PACRG: variants seen among roughly 807,000 people sequenced by gnomAD.
The protein encoded by PACRG is parkin coregulated gene protein.
In PACRG, 29 loss-of-function variants were observed where a neutral mutation model predicts 29.7. The observed-to-expected ratio is 0.98, with a 90% CI of 0.73 to 1.33. The LOEUF (loss-of-function observed/expected upper bound fraction) is 1.33, where lower values mean the gene tolerates loss of function less well. PACRG is among the 40% of genes most tolerant of loss of function. The pLI is 0.00. For missense variants in PACRG, 279 were observed against 316.2 expected, an observed-to-expected ratio of 0.88 and a Z score of 0.89; for synonymous variants, 116 against 118.7, an observed-to-expected ratio of 0.98 and a Z score of 0.15.
intron 4 of PACRG, among the ~76,000 whole-genome samples, chr6:163,170,220 G>T (rs983244520): frequency 5.9e-5 from 9 of 152,112 alleles, no homozygotes; most frequent in Non-Finnish European, 1.3e-4. Flanking sequence ...GGAGGAAGAG[G>T]AGGCTGTGGC....
intron 2 of PACRG, chr6:162,997,618 G>C (rs1804194546): frequency 3.7e-6 from 1 of 273,054 alleles, no homozygotes; most frequent in African/African-American, 2.3e-5. Context: ...GCAACGCAGT[G>C]GTAAAGAAGA....
chr6:163,265,820 A>G (rs1783510975), intron 4 of PACRG, among the ~76,000 whole-genome samples: 1 of 152,180 alleles, frequency 6.6e-6, no homozygotes, highest in East Asian at 1.9e-4. Context: ...TTAGTGATTA[A>G]AGAAAATAAA....
chr6:162,947,281 TAATCATAC>T, intron 2 of PACRG, among the ~76,000 whole-genome samples: 1 of 82,888 alleles, frequency 1.2e-5, no homozygotes, highest in African/African-American at 4.6e-5. Context: ...TAACCATATA[TAATCATAC>T]ATATAATCAT....
intron 4 of PACRG, among the ~76,000 whole-genome samples, chr6:163,097,561 GT>G (rs1442774434): frequency 6.6e-6 from 1 of 152,198 alleles, no homozygotes; most frequent in African/African-American, 2.4e-5. Flanking sequence ...CTGAGAACAT[GT>G]GCCTAAGGTG....
intron 4 of PACRG, among the ~76,000 whole-genome samples, chr6:163,211,599 G>A (rs957288614): frequency 1.3e-4 from 19 of 151,972 alleles, no homozygotes; most frequent in East Asian, 5.8e-4. Context: ...TGTAATTCTC[G>A]GTATTTAAAT....
chr6:163,024,497 G>C (rs1364779881), intron 2 of PACRG, among the ~76,000 whole-genome samples: 1 of 152,168 alleles, frequency 6.6e-6, no homozygotes, highest in Admixed American at 6.5e-5. Flanking sequence ...ATGGTTTAAA[G>C]CTGGGCAATA....
At chr6:163,062,053 C>T (rs907542937) in intron 2 of PACRG, 97 bp from the exon 3 acceptor site, 7 of 1,215,240 alleles carry the variant, frequency 5.8e-6, no homozygotes, top group African/African-American at 4.6e-5. Context: ...TTCTAAAGAG[C>T]GTGCCCCTCT....
At position 162,853,424 on chromosome 6, in the gene PACRG, C is replaced by T. The variant is rs1014208797; in HGVS notation, c.291+39143C>T. 6.6e-6 allele frequency among the ~76,000 whole-genome samples: 1 copy of T among 152,198 alleles called. No homozygotes were observed. The highest frequency in any genetic ancestry group is 2.4e-5 in the African/African-American group (1 of 41,446). On this transcript the variant is annotated intron_variant, in intron 2 of 4. Transcript: ENST00000366888. The surrounding 1 kb of genome is among the most constrained non-coding windows in gnomAD (Gnocchi z 4.7). ...ATATCCTACCATTATGTGTTACTAT[C>T]AGCCTCGAATCATCCTTTCTTATTA...
intron 2 of PACRG, among the ~76,000 whole-genome samples, chr6:162,817,792 T>G (rs1787486452): frequency 6.6e-6 from 1 of 152,194 alleles, no homozygotes; most frequent in African/African-American, 2.4e-5. Flanking sequence ...GCTATCACTG[T>G]GTTAGAATTT....
chr6:162,808,470 G>A (rs1786551373), intron 1 of PACRG, among the ~76,000 whole-genome samples: 1 of 152,134 alleles, frequency 6.6e-6, no homozygotes, highest in Admixed American at 6.5e-5. Flanking sequence ...AATAAAAATA[G>A]TGAAAAGGAA....
chr6:163,270,432 G>T (rs1783782142), intron 4 of PACRG, among the ~76,000 whole-genome samples: 1 of 152,082 alleles, frequency 6.6e-6, no homozygotes, highest in Non-Finnish European at 1.5e-5. Context: ...GTGCAGTGGC[G>T]CAATCATAGC....
At chr6:162,826,665 G>A (rs1405716402) in intron 2 of PACRG, among the ~76,000 whole-genome samples, 2 of 151,830 alleles carry the variant, frequency 1.3e-5, no homozygotes, top group Non-Finnish European at 2.9e-5. Context: ...GTTTCTCCAC[G>A]TTGGTCAGGC....
intron 4 of PACRG, among the ~76,000 whole-genome samples, chr6:163,096,541 C>T (rs557851968): frequency 1.2e-4 from 18 of 152,212 alleles, no homozygotes; most frequent in African/African-American, 4.1e-4. Context: ...AACTGTTTGC[C>T]GGCTGTGGCT....
At chr6:162,811,444 C>A (rs1490424552) in intron 1 of PACRG, among the ~76,000 whole-genome samples, 1 of 152,030 alleles carries the variant, frequency 6.6e-6, no homozygotes, top group Non-Finnish European at 1.5e-5. Flanking sequence ...CAATAGGAAG[C>A]AGATTCTTTG....
chr6:162,817,209 C>T (rs1009800676), intron 2 of PACRG, among the ~76,000 whole-genome samples: 3 of 152,170 alleles, frequency 2.0e-5, no homozygotes, highest in Admixed American at 1.3e-4. Context: ...GTCTGGGGAT[C>T]CCTCCCCAGG....
At chr6:163,249,384 A>T (rs1782817924) in intron 4 of PACRG, among the ~76,000 whole-genome samples, 1 of 152,248 alleles carries the variant, frequency 6.6e-6, no homozygotes, top group Non-Finnish European at 1.5e-5. Flanking sequence ...TTTCAATATG[A>T]TTAAATTCAT....
At chr6:163,269,237 A>T (rs1443812245) in intron 4 of PACRG, among the ~76,000 whole-genome samples, 3 of 152,184 alleles carry the variant, frequency 2.0e-5, no homozygotes, top group Non-Finnish European at 4.4e-5. Flanking sequence ...CTGGTAACAC[A>T]TGCTTAGTTT....
chr6:162,799,163 T>A (rs1785632709), intron 1 of PACRG, among the ~76,000 whole-genome samples: 1 of 152,120 alleles, frequency 6.6e-6, no homozygotes, highest in African/African-American at 2.4e-5. Context: ...TGACCAAACT[T>A]CAGCCAGCTT....
intron 4 of PACRG, among the ~76,000 whole-genome samples, chr6:163,131,315 C>CAAAAAA (rs55958953): frequency 2.6e-4 from 35 of 136,182 alleles, no homozygotes; most frequent in South Asian, 4.8e-4. Context: ...CTGTCTCAAA[C>CAAAAAA]AAAAAAAAAA....
Sources: gnomAD v4.1 joint callset for allele counts (sites outside exome capture counted in the v4.1 genomes callset) on GRCh38, gnomAD v4.1.1 for gene constraint, Gnocchi (gnomAD v3.1) non-coding constraint, MANE v1.5 for transcripts, NCBI Gene and HGNC (gene_info 2026-07-23, HGNC 2026-07-21) for gene names.